The following ADRA1A variants were observed in gnomAD, a reference collection of about 807,000 sequenced individuals.
ADRA1A encodes the protein adrenoceptor alpha 1A, also known as alpha-1A adrenergic receptor.
A neutral mutation model predicts 29.6 loss-of-function variants in ADRA1A; 31 were observed. The observed-to-expected ratio is 1.05, with a 90% CI of 0.79 to 1.41. The LOEUF is 1.41. ADRA1A is among the 40% of genes most tolerant of loss of function. ADRA1A has a pLI of 0.00. For missense variants in ADRA1A, 619 were observed against 601.1 expected (o/e 1.03, Z -0.31); for synonymous variants, 311 against 254.3 (o/e 1.22, Z -2.12).
intron 2 of ADRA1A, among the ~76,000 whole-genome samples, chr8:26,817,422 T>C (rs1424544350): frequency 6.6e-6 from 1 of 152,202 alleles, no homozygotes; most frequent in Non-Finnish European, 1.5e-5. Flanking sequence ...TGTTCATATA[T>C]TGCTTAAAAG....
At chr8:26,752,352 C>T (rs1804955795), downstream of ADRA1A, among the ~76,000 whole-genome samples, 1 of 152,194 alleles carries the variant, frequency 6.6e-6, no homozygotes, top group Non-Finnish European at 1.5e-5. Flanking sequence ...GCTGGCCATC[C>T]CACCCTAATC....
At chr8:26,811,435 A>G (rs571410719) in intron 2 of ADRA1A, among the ~76,000 whole-genome samples, 3 of 151,398 alleles carry the variant, frequency 2.0e-5, no homozygotes, top group Admixed American at 6.6e-5. Context: ...CTCGTGATCC[A>G]CCCACCTCGG....
At chr8:26,757,229 C>A in intron 2 of ADRA1A, 1 of 685,038 alleles carries the variant, frequency 1.5e-6, no homozygotes, top group South Asian at 1.5e-5. Flanking sequence ...GATTCTGAGT[C>A]ACGAGAGACC....
At chr8:26,748,584 C>A (rs957163254) in exon 3 of ADRA1A, 10 of 413,678 alleles carry the variant, frequency 2.4e-5, no homozygotes, top group Non-Finnish European at 4.8e-5. Flanking sequence ...ACTAAAAATA[C>A]AAAAATTAGC....
At chr8:26,766,633 A>G (rs1232309733), downstream of ADRA1A, among the ~76,000 whole-genome samples, 1 of 152,162 alleles carries the variant, frequency 6.6e-6, no homozygotes, top group Non-Finnish European at 1.5e-5. Flanking sequence ...CCAAATGGGA[A>G]AACGTTTACC....
chr8:26,752,113 A>G (rs115161658), downstream of ADRA1A, among the ~76,000 whole-genome samples: 4 of 152,208 alleles, frequency 2.6e-5, no homozygotes, highest in Non-Finnish European at 5.9e-5. Context: ...AAACATTCTA[A>G]CAAATCACTA....
Position 26,842,778 on chromosome 8 carries a change from C to CAATAATATTGTCCCACCAAGTCTGGAT in ADRA1A, c.883+21282_883+21308dup, listed in dbSNP as rs1223430579. On this transcript the variant is annotated intron_variant, in intron 2 of 2. Transcript: ENST00000380573. ...GAATAATATCATCCCTGGTCTGGGT[C>CAATAATATTGTCCCACCAAGTCTGGAT]AATAATATTGTCCCACCAAGTCTGG... Among the ~76,000 whole-genome samples the CAATAATATTGTCCCACCAAGTCTGGAT allele has an allele frequency of 3.2e-4, 48 of 151,954 alleles. 1 individual carries two copies. Among genetic ancestry groups the CAATAATATTGTCCCACCAAGTCTGGAT allele is most frequent in the Admixed American group, 1.4e-3 (22 of 15,256 alleles).
intron 2 of ADRA1A, chr8:26,858,952 G>T: frequency 1.1e-6 from 1 of 952,364 alleles, no homozygotes; most frequent in Non-Finnish European, 1.3e-6. Flanking sequence ...CAGCCTTAGT[G>T]GAAAGAAGCT....
rs1808208710 is a variant in ADRA1A at position 26,796,618 on chromosome 8, C to T, written c.884-25952G>A. On this transcript the variant is annotated intron_variant, in intron 2 of 2. Transcript: ENST00000380573. The surrounding 1 kb of genome is among the most constrained non-coding windows in gnomAD (Gnocchi z 5.0). ...GTATCCTACACGTGGCCGCAGAGAA[C>T]AGACACCATGGGGACATATGAGACA... Among the ~76,000 whole-genome samples the T allele has an allele frequency of 6.6e-6, 1 of 152,026 alleles. No individual in the cohort carries two copies. Among genetic ancestry groups the T allele is most frequent in the Non-Finnish European group, 1.5e-5 (1 of 68,010 alleles).
chr8:26,863,878 G>A (rs1341832474), intron 2 of ADRA1A, among the ~76,000 whole-genome samples: 3 of 152,178 alleles, frequency 2.0e-5, no homozygotes, highest in Non-Finnish European at 4.4e-5. Context: ...AGTCGAAAAA[G>A]TGCTCTAGGA....
intron 2 of ADRA1A, among the ~76,000 whole-genome samples, chr8:26,808,840 T>G (rs949013718): frequency 1.3e-5 from 2 of 152,260 alleles, no homozygotes; most frequent in African/African-American, 2.4e-5. Flanking sequence ...CATAAATAAC[T>G]GATTTTTCCA....
chr8:26,824,735 A>G (rs914337909), intron 2 of ADRA1A, among the ~76,000 whole-genome samples: 1 of 152,160 alleles, frequency 6.6e-6, no homozygotes, highest in Non-Finnish European at 1.5e-5. Context: ...TAGGGAAGTG[A>G]AAAGAAAAGA....
Position 26,776,762 on chromosome 8 carries a change from G to C in ADRA1A, c.884-6096C>G, listed in dbSNP as rs140306883. Among the ~76,000 whole-genome samples, 328 of 152,286 alleles carry C rather than the reference G, an allele frequency of 2.2e-3. 1 individual carries two copies. The highest frequency in any genetic ancestry group is 7.5e-3 in the African/African-American group (313 of 41,548). On this transcript the variant is annotated intron_variant, in intron 2 of 2. Transcript: ENST00000380573. ...AAAAGTCAGAGTGTGCTGTTCAGAA[G>C]GGTTTGTCAGCAGGGCCTTACATTC...
chr8:26,760,576 C>T (rs1462718202), intron 2 of ADRA1A, among the ~76,000 whole-genome samples: 1 of 152,186 alleles, frequency 6.6e-6, no homozygotes, highest in Non-Finnish European at 1.5e-5. Flanking sequence ...ATACCCTTAA[C>T]CCACCTATCA....
intron 2 of ADRA1A, chr8:26,756,848 AATGTG>A: frequency 6.3e-7 from 1 of 1,576,318 alleles, no homozygotes; most frequent in Non-Finnish European, 8.6e-7. Context: ...ATCATGCATC[AATGTG>A]ATCACAATTT....
At chr8:26,756,833 T>C in intron 2 of ADRA1A, 1 of 1,594,156 alleles carries the variant, frequency 6.3e-7, no homozygotes, top group Non-Finnish European at 8.6e-7. Flanking sequence ...TTTAATATCC[T>C]AGGCATCATG....
intron 2 of ADRA1A, among the ~76,000 whole-genome samples, chr8:26,838,876 C>G (rs1811585947): frequency 6.6e-6 from 1 of 152,200 alleles, no homozygotes; most frequent in South Asian, 2.1e-4. Flanking sequence ...AGGTAAACCA[C>G]CAGTGTGTCC....
chr8:26,803,091 G>C (rs930437645), intron 2 of ADRA1A, among the ~76,000 whole-genome samples: 3 of 152,112 alleles, frequency 2.0e-5, no homozygotes, highest in African/African-American at 7.2e-5. Flanking sequence ...CGTAGTGGGA[G>C]GGTGAAGATG....
intron 2 of ADRA1A, among the ~76,000 whole-genome samples, chr8:26,814,937 A>T (rs1308414201): frequency 2.6e-5 from 4 of 152,238 alleles, no homozygotes; most frequent in Non-Finnish European, 5.9e-5. Context: ...GGATGTGATT[A>T]AGTGAGATCT....
Sources: gnomAD v4.1 joint callset for allele counts (sites outside exome capture counted in the v4.1 genomes callset) on GRCh38, gnomAD v4.1.1 for gene constraint, Gnocchi (gnomAD v3.1) non-coding constraint, MANE v1.5 for transcripts, NCBI Gene and HGNC (gene_info 2026-07-23, HGNC 2026-07-21) for gene names.